LIN52: variants seen among roughly 807,000 people sequenced by gnomAD.
The protein encoded by LIN52 is protein lin-52 homolog.
In LIN52, 4 loss-of-function variants were observed where a neutral mutation model predicts 18.5. The ratio of observed to expected loss-of-function variants is 0.22; its 90% CI spans 0.11 to 0.49. The LOEUF (loss-of-function observed/expected upper bound fraction) is 0.49. Among genes scored for constraint, LIN52 ranks in the 20% least tolerant of loss-of-function variants. The probability of loss-of-function intolerance (pLI) is 0.97; values close to 1 mark genes in which losing one functional copy is unlikely to be tolerated. For synonymous variants in LIN52, 34 were observed against 45.5 expected, an observed-to-expected ratio of 0.75 and a Z score of 1.02; for missense variants, 102 against 139.5, an observed-to-expected ratio of 0.73 and a Z score of 1.35.
intron 5 of LIN52, among the ~76,000 whole-genome samples, chr14:74,161,476 C>T (rs1468302708): frequency 1.3e-5 from 2 of 152,108 alleles, no homozygotes; most frequent in African/African-American, 2.4e-5. Flanking sequence ...CGTCAGCCAC[C>T]GTGCCCGGTC....
At chr14:74,196,756 C>T (rs533231357) in intron 5 of LIN52, among the ~76,000 whole-genome samples, 2 of 152,134 alleles carry the variant, frequency 1.3e-5, no homozygotes, top group African/African-American at 4.8e-5. Context: ...AACTTACCCC[C>T]CTCTGGAAAG....
At chr14:74,119,985 G>A (rs1402986298) in intron 5 of LIN52, among the ~76,000 whole-genome samples, 3 of 151,832 alleles carry the variant, frequency 2.0e-5, no homozygotes, top group African/African-American at 4.8e-5. Flanking sequence ...ACAGGTGCAC[G>A]CTACCACGTG....
At chr14:74,114,404 G>C (rs2060950968) in intron 5 of LIN52, 2 of 985,548 alleles carry the variant, frequency 2.0e-6, no homozygotes, top group Middle Eastern at 5.2e-4. Context: ...GAAGGATTGA[G>C]AGCTTGAATG....
intron 5 of LIN52, among the ~76,000 whole-genome samples, chr14:74,128,214 GGCA>G (rs1267273606): frequency 1.3e-5 from 2 of 152,198 alleles, no homozygotes; most frequent in African/African-American, 4.8e-5. Flanking sequence ...GAGGGACCCA[GGCA>G]GAGGCTGGTG....
intron 5 of LIN52, chr14:74,192,826 A>G (rs113403874): frequency 6.0e-5 from 11 of 183,082 alleles, no homozygotes; most frequent in African/African-American, 1.9e-4. Context: ...GGTGTCTACT[A>G]CAAAGGGAAC....
chr14:74,091,606 TAA>T (rs1393236659), intron 2 of LIN52, among the ~76,000 whole-genome samples: 1 of 146,336 alleles, frequency 6.8e-6, no homozygotes, highest in South Asian at 2.2e-4. Flanking sequence ...CTGTCTCTAC[TAA>T]AAAAAAAATA....
intron 2 of LIN52, 64 bp downstream of exon 2, chr14:74,091,370 AT>A: frequency 1.8e-6 from 2 of 1,111,744 alleles, no homozygotes. Flanking sequence ...TTTTAAAGAG[AT>A]TTTTAAAGAG....
At position 74,101,196 on chromosome 14, in the gene LIN52, C is replaced by G. The variant is rs763025504; in HGVS notation, c.241C>G (p.Arg81Gly). 4.3e-6 allele frequency: 7 copies of G among 1,611,050 alleles called. No individual in the cohort carries two copies. The highest frequency in any genetic ancestry group is 5.9e-6 in the Non-Finnish European group (7 of 1,178,992). ...CACGGCTAATTTGATGGAGAAGGTTCGAGGCCTACAGAACCTAGCCTATCA... is the reference window on the plus strand; with the variant it reads ...CACGGCTAATTTGATGGAGAAGGTTGGAGGCCTACAGAACCTAGCCTATCA... Reference protein sequence around the residue: ...LTTANLMEKVRGLQNLAYQLG... With the variant: ...LTTANLMEKVGGLQNLAYQLG... Residue 81 changes from arginine (R) to glycine (G), a missense_variant, in exon 5 of 6, where the codon CGA becomes GGA. Arg to Gly is a moderately radical substitution (Grantham distance 125). Transcript: ENST00000555028.
intron 1 of LIN52, among the ~76,000 whole-genome samples, chr14:74,086,011 A>G (rs370760390): frequency 6.7e-6 from 1 of 148,184 alleles, no homozygotes; most frequent in Non-Finnish European, 1.5e-5. Context: ...ACATATAAAC[A>G]TTTTTTTTTT....
intron 5 of LIN52, among the ~76,000 whole-genome samples, chr14:74,189,785 G>A (rs1012665215): frequency 5.3e-5 from 8 of 152,044 alleles, no homozygotes; most frequent in Non-Finnish European, 1.0e-4. Context: ...AAATAAATCT[G>A]TTGGTTGGAT....
intron 5 of LIN52, among the ~76,000 whole-genome samples, chr14:74,185,407 T>C (rs2061336856): frequency 7.1e-6 from 1 of 141,276 alleles, no homozygotes. Context: ...CTCCACTTCC[T>C]GGGTTCACGC....
intron 5 of LIN52, among the ~76,000 whole-genome samples, chr14:74,176,461 C>CA (rs1157813831): frequency 6.6e-6 from 1 of 151,788 alleles, no homozygotes; most frequent in Non-Finnish European, 1.5e-5. Context: ...AAAATAATGA[C>CA]AAAAAGTATA....
intron 5 of LIN52, among the ~76,000 whole-genome samples, chr14:74,189,286 G>T (rs889478727): frequency 1.3e-5 from 2 of 152,162 alleles, no homozygotes; most frequent in African/African-American, 4.8e-5. Context: ...GTATTACTAT[G>T]TAAAGGCCCT....
rs753741666 is a variant in LIN52, at chr14:74,095,922, A to G, written c.95-26A>G. 8 of 1,543,480 alleles carry G rather than the reference A, an allele frequency of 5.2e-6. No individual in the cohort carries two copies. The South Asian group carries it at 9.2e-5, about 18-fold the overall frequency. Reference sequence around the variant, plus strand: ...GCCTGAGCAATCATACTTATTGAATAAATAAAGTTTTGTTTTTCTTTTTAG... The same window carrying G: ...GCCTGAGCAATCATACTTATTGAATGAATAAAGTTTTGTTTTTCTTTTTAG... On this transcript the variant is annotated intron_variant, in intron 2 of 5. Coordinates refer to ENST00000555028, the MANE Select transcript of LIN52 (RefSeq NM_001024674.3).
At chr14:74,103,427 ATTTTTTTTTTT>A in intron 5 of LIN52, among the ~76,000 whole-genome samples, 1 of 88,576 alleles carries the variant, frequency 1.1e-5, no homozygotes, top group East Asian at 2.9e-4. Flanking sequence ...AAAATGTAAG[ATTTTTTTTTTT>A]TTTTTTTTTT....
At chr14:74,142,918 A>G (rs535422393) in intron 5 of LIN52, among the ~76,000 whole-genome samples, 10 of 149,702 alleles carry the variant, frequency 6.7e-5, no homozygotes, top group Non-Finnish European at 1.2e-4. Flanking sequence ...CCCTGGACCT[A>G]TGCTTCCTCT....
intron 5 of LIN52, among the ~76,000 whole-genome samples, chr14:74,159,717 A>C (rs1031055359): frequency 6.6e-6 from 1 of 151,982 alleles, no homozygotes; most frequent in Non-Finnish European, 1.5e-5. Flanking sequence ...GATTATAGAC[A>C]TGTGCCTCCA....
chr14:74,174,191 TAC>T (rs2061282545), intron 5 of LIN52, among the ~76,000 whole-genome samples: 3 of 152,224 alleles, frequency 2.0e-5, no homozygotes, highest in Admixed American at 1.3e-4. Context: ...GGGTTTTTAA[TAC>T]AGTCATATGT....
At chr14:74,139,654 G>T (rs921683411) in intron 5 of LIN52, among the ~76,000 whole-genome samples, 1 of 152,138 alleles carries the variant, frequency 6.6e-6, no homozygotes. Context: ...TAAAATTGCT[G>T]AGCAGAACCT....
Sources: gnomAD v4.1 joint callset for allele counts (sites outside exome capture counted in the v4.1 genomes callset) on GRCh38, gnomAD v4.1.1 for gene constraint, MANE v1.5 for transcripts, NCBI Gene and HGNC (gene_info 2026-07-23, HGNC 2026-07-21) for gene names.